The following TMEM134 variants were observed in gnomAD, a reference collection of about 807,000 sequenced individuals.
TMEM134 encodes the protein transmembrane protein 134.
TMEM134 carries 36 observed loss-of-function variants against 26.2 expected under a neutral mutation model. The ratio of observed to expected loss-of-function variants is 1.37; its 90% CI spans 1.05 to 1.81. The LOEUF (loss-of-function observed/expected upper bound fraction) is 1.81. TMEM134 is among the 40% of genes most tolerant of loss of function. TMEM134 has a pLI of 0.00. For synonymous variants in TMEM134, 133 were observed against 113.6 expected, an observed-to-expected ratio of 1.17 and a Z score of -1.08; for missense variants, 339 against 263.5, an observed-to-expected ratio of 1.29 and a Z score of -1.98.
In TMEM134 at chr11:67,463,552, CTTTTCT is replaced by C. The variant is rs897112194; in HGVS notation, c.*1056_*1061del. On this transcript the variant is annotated 3_prime_UTR_variant, in exon 7 of 7. Coordinates refer to ENST00000308022, the MANE Select transcript of TMEM134 (RefSeq NM_025124.4). ...CTTAGCGCAGGGCCTAGTATATTTT[CTTTTCT>C]TTTTTTTTTTTTAAATAGAGATGGG... 3.8e-4 allele frequency: 46 copies of C among 120,286 alleles called. 2 individuals carry two copies. The highest frequency in any genetic ancestry group is 1.1e-3 in the African/African-American group (25 of 22,178). 7.5% of individuals were successfully genotyped at this position (120,286 alleles called of 1,614,324 possible). A position where few individuals can be genotyped will look rare whatever the true frequency, so the allele number is the denominator to read the frequency against.
Position 67,465,067 on chromosome 11 carries a change from G to A in TMEM134, c.440C>T (p.Thr147Ile). Residue 147 changes from threonine to isoleucine, a missense_variant, in exon 5 of 7, where the codon ACC becomes ATC. Thr to Ile is a moderately conservative substitution (Grantham distance 89, BLOSUM62 -1). Transcript: ENST00000308022. ...GGAGGGTCGCTCACCTGGAGAGGGG[G>A]TCGCCTCCAGTCCCACGCCGACCAG... ...LILVGVGLEA[T>I]PSPGVSSAIF... is the part of the protein sequence containing the mutation. 1 of 1,583,496 alleles carries A rather than the reference G, an allele frequency of 6.3e-7. No homozygotes were observed. The highest frequency in any genetic ancestry group is 8.6e-7 in the Non-Finnish European group (1 of 1,168,884).
In TMEM134 at chr11:67,464,562, CAGGGCAAGAGGGGCGCCCCCATGGGCGCA is replaced by C. The variant is rs2135207161; in HGVS notation, c.*23_*51del. 1 of 1,531,334 alleles carries C rather than the reference CAGGGCAAGAGGGGCGCCCCCATGGGCGCA, an allele frequency of 6.5e-7. No homozygotes were observed. The highest frequency in any genetic ancestry group is 8.9e-7 in the Non-Finnish European group (1 of 1,128,690). 94.9% of individuals were successfully genotyped at this position (1,531,334 alleles called of 1,614,324 possible). ...TTCCCTTGAGATGAGGGGAACGGAA[CAGGGCAAGAGGGGCGCCCCCATGGGCGCA>C]AGGGGTCCACGCTGCGCCGCGATCA... On this transcript the variant is annotated 3_prime_UTR_variant, in exon 7 of 7. Transcript: ENST00000308022.
chr11:67,465,746 C>T (rs1377637639), intron 4 of TMEM134, among the ~76,000 whole-genome samples: 1 of 151,254 alleles, frequency 6.6e-6, no homozygotes, highest in Non-Finnish European at 1.5e-5. Flanking sequence ...GGCAACATAC[C>T]AAGATCCCCA....
At chr11:67,468,658 G>A (rs972584265) in intron 1 of TMEM134, among the ~76,000 whole-genome samples, 1 of 152,328 alleles carries the variant, frequency 6.6e-6, no homozygotes, top group Middle Eastern at 3.4e-3. Context: ...GGGCACAGGG[G>A]ATGCTCCTGC....
At chr11:67,464,734 C>T in intron 6 of TMEM134, 38 bp from the exon 7 acceptor site, 1 of 1,549,522 alleles carries the variant, frequency 6.5e-7, no homozygotes, top group African/African-American at 1.4e-5. Flanking sequence ...AGCCCCGCCC[C>T]TCCCCGCAAC....
Position 67,464,592 on chromosome 11 carries a change from A to G in TMEM134, c.*22T>C. 5 of 1,550,798 alleles carry G rather than the reference A, an allele frequency of 3.2e-6. No individual in the cohort carries two copies. The highest frequency in any genetic ancestry group is 4.4e-6 in the Non-Finnish European group (5 of 1,146,170). ...CAAGAGGGGCGCCCCCATGGGCGCA[A>G]GGGGTCCACGCTGCGCCGCGATCAC... On this transcript the variant is annotated 3_prime_UTR_variant, in exon 7 of 7. Coordinates refer to ENST00000308022, the MANE Select transcript of TMEM134 (RefSeq NM_025124.4).
chr11:67,467,072 GA>G, intron 4 of TMEM134: 1 of 584,538 alleles, frequency 1.7e-6, no homozygotes, highest in Non-Finnish European at 3.0e-6. Context: ...TTTAAAAAAG[GA>G]AAAGTCTTTG....
chr11:67,464,632 C>G lies in TMEM134; in HGVS notation c.570G>C (p.Leu190=). Residue 190 remains leucine, a synonymous_variant, in exon 7 of 7, where the codon CTG becomes CTC. Coordinates refer to ENST00000308022, the MANE Select transcript of TMEM134 (RefSeq NM_025124.4). ...KGHRGFQFFY[L]PYFEK ...GCCGCGATCACTTCTCGAAGTAGGG[C>G]AGGTAGAAGAACTGGAAGCCCCGGT... The G allele has an allele frequency of 6.4e-7, 1 of 1,552,936 alleles. No homozygotes were observed. Among genetic ancestry groups the G allele is most frequent in the Non-Finnish European group, 8.7e-7 (1 of 1,147,588 alleles).
chr11:67,462,946 G>GC lies in TMEM134; in HGVS notation c.*1667dup, dbSNP rs1865062372. 1 of 152,156 alleles carries GC rather than the reference G, an allele frequency of 6.6e-6. No homozygotes were observed. Among genetic ancestry groups the GC allele is most frequent in the Non-Finnish European group, 1.5e-5 (1 of 68,062 alleles). The allele number at this position is 152,156 out of a possible 1,614,324, so 9.4% of individuals were successfully genotyped here. A position where few individuals can be genotyped will look rare whatever the true frequency, so the allele number is the denominator to read the frequency against. ...GGGCTCAAGTGATCCTCCCACCGTGGCCTCTCAAAGTGCTGGGATTACAGG... is the reference window on the plus strand; with the variant it reads ...GGGCTCAAGTGATCCTCCCACCGTGGCCCTCTCAAAGTGCTGGGATTACAGG... On this transcript the variant is annotated 3_prime_UTR_variant, in exon 7 of 7. Coordinates refer to ENST00000308022, the MANE Select transcript of TMEM134 (RefSeq NM_025124.4).
intron 2 of TMEM134, 63 bp from the exon 3 acceptor site, chr11:67,467,653 G>C (rs762846662): frequency 6.6e-7 from 1 of 1,522,316 alleles, no homozygotes; most frequent in South Asian, 1.1e-5. Context: ...TGGGACAGGA[G>C]TCCTGATGAA....
rs993775136 is a variant in TMEM134, at chr11:67,469,224, C to A, written c.-32G>T. ...GGCCCGCTCAGGCGCCGTGCGCCGC[C>A]GCCATCTGCGCCCACACACCCAGCG... On this transcript the variant is annotated 5_prime_UTR_variant, in exon 1 of 7. Coordinates refer to ENST00000308022, the MANE Select transcript of TMEM134 (RefSeq NM_025124.4). 6 of 1,252,530 alleles carry A rather than the reference C, an allele frequency of 4.8e-6. No individual in the cohort carries two copies. The highest frequency in any genetic ancestry group is 3.1e-5 in the African/African-American group (2 of 64,242). The allele number at this position is 1,252,530 out of a possible 1,614,324, so 77.6% of individuals were successfully genotyped here.
Sources: allele counts gnomAD v4.1 joint callset (sites outside exome capture counted in the v4.1 genomes callset), GRCh38; gene constraint gnomAD v4.1.1; transcripts MANE v1.5; gene names NCBI Gene and HGNC (gene_info 2026-07-23, HGNC 2026-07-21).